The following HMGCLL1 variants were observed in gnomAD, a reference collection of about 807,000 sequenced individuals.
HMGCLL1 encodes the protein 3-hydroxymethyl-3-methylglutaryl-CoA lyase, cytoplasmic.
Under a neutral mutation model 39.1 loss-of-function variants are expected in HMGCLL1, and 36 were observed. The observed-to-expected ratio is 0.92, with a 90% CI of 0.71 to 1.22. The LOEUF (loss-of-function observed/expected upper bound fraction) is 1.22. HMGCLL1 is among the 50% of genes most tolerant of loss of function. The probability of loss-of-function intolerance (pLI) is 0.00; values close to 1 mark genes in which losing one functional copy is unlikely to be tolerated. For missense variants in HMGCLL1, 451 were observed against 416.5 expected, an observed-to-expected ratio of 1.08 and a Z score of -0.72; for synonymous variants, 149 against 144.0, an observed-to-expected ratio of 1.03 and a Z score of -0.25.
At chr6:55,563,263 A>G (rs1002095007) in intron 1 of HMGCLL1, among the ~76,000 whole-genome samples, 1 of 152,122 alleles carries the variant, frequency 6.6e-6, no homozygotes, top group African/African-American at 2.4e-5. Flanking sequence ...AAGTATTGGC[A>G]TGTGCTTGGG....
At chr6:55,610,557 G>A in the HMGCLL1 span, among the ~76,000 whole-genome samples, 1 of 152,070 alleles carries the variant, frequency 6.6e-6, no homozygotes, top group Non-Finnish European at 1.5e-5. Flanking sequence ...ACCTATGACT[G>A]AATGGAGCAC....
chr6:55,547,934 A>C (rs116727269), intron 1 of HMGCLL1, among the ~76,000 whole-genome samples: 1,562 of 152,074 alleles, frequency 0.01, 25 homozygotes, highest in African/African-American at 0.036. Context: ...ATCAAAAGAC[A>C]TTTCTCTTCC....
intron 7 of HMGCLL1, among the ~76,000 whole-genome samples, chr6:55,449,737 T>C (rs1763999843): frequency 6.6e-6 from 1 of 152,280 alleles, no homozygotes; most frequent in African/African-American, 2.4e-5. Context: ...TTCTTTAAAT[T>C]GTTTAGTAGT....
At chr6:55,677,562 G>T in the HMGCLL1 span, among the ~76,000 whole-genome samples, 1 of 152,150 alleles carries the variant, frequency 6.6e-6, no homozygotes, top group East Asian at 1.9e-4. Flanking sequence ...TTCTTTTTAA[G>T]ATTCCTTGGT....
At chr6:55,482,645 C>T (rs555056315) in intron 7 of HMGCLL1, among the ~76,000 whole-genome samples, 1 of 152,070 alleles carries the variant, frequency 6.6e-6, no homozygotes, top group African/African-American at 2.4e-5. Flanking sequence ...GCAAATGTTT[C>T]CTTTAAGAAT....
At chr6:55,438,737 T>A (rs1326608682) in intron 8 of HMGCLL1, among the ~76,000 whole-genome samples, 2 of 152,028 alleles carry the variant, frequency 1.3e-5, no homozygotes, top group South Asian at 2.1e-4. Flanking sequence ...AGTAAAAAAA[T>A]TCATTTTACA....
chr6:55,637,750 G>GTGTC, the HMGCLL1 span, among the ~76,000 whole-genome samples: 1 of 139,870 alleles, frequency 7.1e-6, no homozygotes, highest in Non-Finnish European at 1.6e-5. Context: ...ATGTGTCTGT[G>GTGTC]TGTGTCTGTG....
chr6:55,630,957 T>C, the HMGCLL1 span, among the ~76,000 whole-genome samples: 6 of 152,114 alleles, frequency 3.9e-5, no homozygotes, highest in African/African-American at 1.2e-4. Flanking sequence ...TGTTACTACT[T>C]TCTTTTCTCT....
At chr6:55,532,706 C>T (rs1436377592) in intron 3 of HMGCLL1, among the ~76,000 whole-genome samples, 2 of 151,648 alleles carry the variant, frequency 1.3e-5, no homozygotes, top group African/African-American at 4.8e-5. Context: ...GAGGCTGAAG[C>T]AGGAGAATCG....
At chr6:55,476,498 C>T (rs1222500626) in intron 7 of HMGCLL1, among the ~76,000 whole-genome samples, 4 of 151,636 alleles carry the variant, frequency 2.6e-5, no homozygotes, top group African/African-American at 9.7e-5. Context: ...ACAATTATGA[C>T]ATTTGAAATA....
At chr6:55,562,076 T>C (rs1770975839) in intron 1 of HMGCLL1, among the ~76,000 whole-genome samples, 1 of 152,142 alleles carries the variant, frequency 6.6e-6, no homozygotes, top group South Asian at 2.1e-4. Flanking sequence ...AGGTTATAAG[T>C]GAACTAAGCC....
chr6:55,473,322 A>G (rs548927800), intron 7 of HMGCLL1, among the ~76,000 whole-genome samples: 1 of 151,042 alleles, frequency 6.6e-6, no homozygotes, highest in East Asian at 2.0e-4. Context: ...TTTTCTCCAC[A>G]TTTTTCAATC....
intron 7 of HMGCLL1, among the ~76,000 whole-genome samples, chr6:55,480,879 C>T (rs1234211319): frequency 6.6e-6 from 1 of 152,038 alleles, no homozygotes; most frequent in Non-Finnish European, 1.5e-5. Flanking sequence ...ATAAGCCAGG[C>T]ACAGAAAGAC....
chr6:55,677,007 G>A, the HMGCLL1 span, among the ~76,000 whole-genome samples: 5 of 152,306 alleles, frequency 3.3e-5, no homozygotes, highest in South Asian at 6.2e-4. Context: ...GTGCTATTGT[G>A]GTAGATATAC....
chr6:55,630,359 T>C, the HMGCLL1 span, among the ~76,000 whole-genome samples: 1 of 152,096 alleles, frequency 6.6e-6, no homozygotes, highest in African/African-American at 2.4e-5. Flanking sequence ...ATTTACCCAA[T>C]GCCCATACCC....
chr6:55,572,519 A>G (rs1771560201), intron 1 of HMGCLL1, among the ~76,000 whole-genome samples: 1 of 152,084 alleles, frequency 6.6e-6, no homozygotes, highest in Non-Finnish European at 1.5e-5. Flanking sequence ...TACCTTTATA[A>G]CTTGTTCTTC....
At chr6:55,455,984 T>G (rs1764305051) in intron 7 of HMGCLL1, among the ~76,000 whole-genome samples, 1 of 152,198 alleles carries the variant, frequency 6.6e-6, no homozygotes, top group Non-Finnish European at 1.5e-5. Flanking sequence ...GCTATTATAA[T>G]TTGGGGCAAC....
intron 3 of HMGCLL1, among the ~76,000 whole-genome samples, chr6:55,521,849 G>T (rs553739796): frequency 1.7e-4 from 26 of 152,150 alleles, no homozygotes; most frequent in Admixed American, 1.1e-3. Flanking sequence ...AAGCTAAAAT[G>T]ATTAAGTTTA....
the HMGCLL1 span, among the ~76,000 whole-genome samples, chr6:55,599,644 A>G: frequency 6.6e-6 from 1 of 152,212 alleles, no homozygotes; most frequent in African/African-American, 2.4e-5. Context: ...CAGAGATTAT[A>G]AAAAATATAA....
Sources: gnomAD v4.1 joint callset for allele counts (sites outside exome capture counted in the v4.1 genomes callset) on GRCh38, gnomAD v4.1.1 for gene constraint, MANE v1.5 for transcripts, NCBI Gene and HGNC (gene_info 2026-07-23, HGNC 2026-07-21) for gene names.